Variants in KCNJ6 observed in about 807,000 individuals in gnomAD.
KCNJ6 encodes potassium inwardly rectifying channel subfamily J member 6, also known as G protein-activated inward rectifier potassium channel 2.
KCNJ6 carries 9 observed loss-of-function variants against 34.2 expected under a neutral mutation model. The ratio of observed to expected loss-of-function variants is 0.26; its 90% CI spans 0.16 to 0.46. KCNJ6 has a LOEUF of 0.46. KCNJ6 is among the 20% of genes least tolerant of loss of function. The probability of loss-of-function intolerance (pLI) is 1.00; values close to 1 mark genes in which losing one functional copy is unlikely to be tolerated. For synonymous variants in KCNJ6, 196 were observed against 207.1 expected (o/e 0.95, Z 0.46); for missense variants, 236 against 531.3 (o/e 0.44, Z 5.46).
At chr21:37,642,594 T>C (rs1277268051) in intron 3 of KCNJ6, among the ~76,000 whole-genome samples, 1 of 152,112 alleles carries the variant, frequency 6.6e-6, no homozygotes, top group Non-Finnish European at 1.5e-5. Context: ...CTCAAGCATC[T>C]GACCCCGAAG....
intron 3 of KCNJ6, among the ~76,000 whole-genome samples, chr21:37,683,318 C>T (rs1011840926): frequency 6.6e-6 from 1 of 152,182 alleles, no homozygotes; most frequent in African/African-American, 2.4e-5. Context: ...CAGCAAGAGG[C>T]AGCAGGGAAG....
chr21:37,747,410 C>T (rs1410395800), intron 2 of KCNJ6, among the ~76,000 whole-genome samples: 3 of 152,218 alleles, frequency 2.0e-5, no homozygotes, highest in Non-Finnish European at 4.4e-5. Flanking sequence ...GAAAAGCTGG[C>T]AAAGGCCTTA....
chr21:37,707,961 A>G (rs1303202476), intron 3 of KCNJ6, among the ~76,000 whole-genome samples: 1 of 152,096 alleles, frequency 6.6e-6, no homozygotes, highest in Non-Finnish European at 1.5e-5. Context: ...TATTGACTTT[A>G]GAGTTTGGGT....
rs553819596 is a variant in KCNJ6, at chr21:37,794,067, A to ATG, written c.25+46589_25+46590dup. ...CACTCACATATATGTGTGTGCACGC[A>ATG]TGTGTGTGTGTGTCTGTGTATGTGT... On this transcript the variant is annotated intron_variant, in intron 2 of 3. Transcript: ENST00000609713. Among the ~76,000 whole-genome samples, 6 of 152,230 alleles carry ATG rather than the reference A, an allele frequency of 3.9e-5. No individual in the cohort carries two copies. In the East Asian group the frequency reaches 9.6e-4, roughly 24 times the overall value.
At chr21:37,819,929 C>T (rs1042422728) in intron 2 of KCNJ6, among the ~76,000 whole-genome samples, 11 of 149,896 alleles carry the variant, frequency 7.3e-5, no homozygotes, top group East Asian at 2.0e-4. Context: ...GGATTACAGG[C>T]GCTCATCACC....
At chr21:37,729,790 C>A (rs533034105) in intron 2 of KCNJ6, among the ~76,000 whole-genome samples, 1 of 152,370 alleles carries the variant, frequency 6.6e-6, no homozygotes, top group South Asian at 2.1e-4. Flanking sequence ...GCTTCCCCTG[C>A]CAAGACACAT....
chr21:37,846,351 CTCTGTGTGTGTGTGTG>C (rs1183899132), intron 1 of KCNJ6, among the ~76,000 whole-genome samples: 178 of 130,070 alleles, frequency 1.4e-3, no homozygotes, highest in South Asian at 2.5e-3. Flanking sequence ...GGCTGAGACA[CTCTGTGTGTGTGTGTG>C]TGTGTGTGTG....
intron 1 of KCNJ6, among the ~76,000 whole-genome samples, chr21:37,858,200 G>A (rs1270883972): frequency 1.3e-5 from 2 of 151,892 alleles, no homozygotes; most frequent in African/African-American, 2.4e-5. Flanking sequence ...GACCATCCTG[G>A]ATAACACGGT....
chr21:37,783,992 C>T (rs750052623), intron 2 of KCNJ6, among the ~76,000 whole-genome samples: 2 of 152,226 alleles, frequency 1.3e-5, no homozygotes, highest in Admixed American at 6.5e-5. Context: ...TATTGGACTT[C>T]CAGCCTCCAG....
chr21:37,723,734 T>G (rs965884390), intron 2 of KCNJ6, among the ~76,000 whole-genome samples: 2 of 152,084 alleles, frequency 1.3e-5, no homozygotes, highest in African/African-American at 4.8e-5. Flanking sequence ...GATGTAAAGA[T>G]AGCATTGGGA....
intron 1 of KCNJ6, among the ~76,000 whole-genome samples, chr21:37,903,803 G>A (rs2249899): frequency 0.12 from 17,500 of 152,120 alleles, 1,280 homozygotes; most frequent in East Asian, 0.26. Flanking sequence ...GAAATGAACT[G>A]CAACAATACT....
intron 1 of KCNJ6, among the ~76,000 whole-genome samples, chr21:37,913,118 C>T (rs1164459376): frequency 6.6e-6 from 1 of 152,184 alleles, no homozygotes; most frequent in African/African-American, 2.4e-5. Flanking sequence ...TATTATTTTT[C>T]CTCTTCATAT....
intron 2 of KCNJ6, among the ~76,000 whole-genome samples, chr21:37,782,294 AC>A (rs1176281966): frequency 6.6e-6 from 1 of 152,144 alleles, no homozygotes; most frequent in Non-Finnish European, 1.5e-5. Flanking sequence ...AGGACTTCTG[AC>A]CTCCAGAACT....
chr21:37,893,491 C>G (rs1246047907), intron 1 of KCNJ6, among the ~76,000 whole-genome samples: 3 of 152,202 alleles, frequency 2.0e-5, no homozygotes, highest in Non-Finnish European at 2.9e-5. Context: ...CAGGTGTGAG[C>G]CACCGTGCCC....
intron 1 of KCNJ6, among the ~76,000 whole-genome samples, chr21:37,891,760 G>C (rs938024510): frequency 1.3e-5 from 2 of 152,128 alleles, no homozygotes; most frequent in Non-Finnish European, 2.9e-5. Flanking sequence ...TGCCAAAGTC[G>C]ATCATTTGAG....
chr21:37,698,121 T>G (rs576274048), intron 3 of KCNJ6, among the ~76,000 whole-genome samples: 1 of 152,384 alleles, frequency 6.6e-6, no homozygotes, highest in East Asian at 1.9e-4. Flanking sequence ...TTAATAATAG[T>G]ACTGTTTACT....
intron 3 of KCNJ6, among the ~76,000 whole-genome samples, chr21:37,711,195 C>T (rs1434456988): frequency 6.6e-6 from 1 of 152,258 alleles, no homozygotes; most frequent in African/African-American, 2.4e-5. Flanking sequence ...AGTGCATCCA[C>T]AGAGCACCAC....
In KCNJ6 at chr21:37,620,078, A is replaced by G. The variant is rs969169853; in HGVS notation, c.*5081T>C. The G allele has an allele frequency of 6.6e-6, 1 of 152,190 alleles. No individual in the cohort carries two copies. The highest frequency in any genetic ancestry group is 1.5e-5 in the Non-Finnish European group (1 of 68,032). The allele number at this position is 152,190 out of a possible 1,614,324, so 9.4% of individuals were successfully genotyped here. On this transcript the variant is annotated 3_prime_UTR_variant, in exon 4 of 4. Transcript: ENST00000609713. ...TTTGAACAGACTTATGAGTGACTTC[A>G]ATAATTTATGCTAGAAAAAAAGTCA... is the stretch of plus-strand genomic sequence containing the variant.
intron 2 of KCNJ6, among the ~76,000 whole-genome samples, chr21:37,747,214 A>G (rs1226169437): frequency 6.6e-6 from 1 of 152,070 alleles, no homozygotes; most frequent in Admixed American, 6.6e-5. Flanking sequence ...TCCCACCCCA[A>G]AAGGGGCAGT....
Sources: allele counts gnomAD v4.1 joint callset (sites outside exome capture counted in the v4.1 genomes callset), GRCh38; gene constraint gnomAD v4.1.1; transcripts MANE v1.5; gene names NCBI Gene and HGNC (gene_info 2026-07-23, HGNC 2026-07-21).